Variants in AGBL4 observed in about 807,000 individuals in gnomAD.
AGBL4 encodes AGBL carboxypeptidase 4, also known as cytosolic carboxypeptidase 6.
In AGBL4, 58 loss-of-function variants were observed where a neutral mutation model predicts 66.4. The ratio of observed to expected loss-of-function variants is 0.87; its 90% CI spans 0.71 to 1.09. The LOEUF is 1.09. Among genes scored for constraint, AGBL4 ranks in the 50% least tolerant of loss-of-function variants. The probability of loss-of-function intolerance (pLI) is 0.00; values close to 1 mark genes in which losing one functional copy is unlikely to be tolerated. For synonymous variants in AGBL4, 234 were observed against 222.9 expected (o/e 1.05, Z -0.44); for missense variants, 579 against 631.0 (o/e 0.92, Z 0.88).
intron 5 of AGBL4, among the ~76,000 whole-genome samples, chr1:48,987,734 T>C (rs1207856506): frequency 6.6e-6 from 1 of 152,158 alleles, no homozygotes; most frequent in Admixed American, 6.6e-5. Flanking sequence ...AGAACATTAC[T>C]AAGACAGATC....
chr1:49,463,802 C>G (rs1403103010), intron 3 of AGBL4, among the ~76,000 whole-genome samples: 1 of 151,744 alleles, frequency 6.6e-6, no homozygotes, highest in Non-Finnish European at 1.5e-5. Flanking sequence ...CTCATTTCAA[C>G]TGAGTGTGCT....
chr1:48,841,411 C>CA (rs1646798863), intron 6 of AGBL4, among the ~76,000 whole-genome samples: 2 of 84,406 alleles, frequency 2.4e-5, no homozygotes, highest in African/African-American at 5.0e-5. Flanking sequence ...CCCCCCCCCC[C>CA]CAAAAAAAAA....
chr1:49,437,039 G>C (rs968396715), intron 3 of AGBL4, among the ~76,000 whole-genome samples: 1 of 152,176 alleles, frequency 6.6e-6, no homozygotes. Context: ...AGCAGTACAA[G>C]GTATAGAATT....
At chr1:48,966,880 T>G (rs938641505) in intron 5 of AGBL4, among the ~76,000 whole-genome samples, 2 of 152,104 alleles carry the variant, frequency 1.3e-5, no homozygotes, top group African/African-American at 4.8e-5. Context: ...TATAATTTGC[T>G]GTTTATAATG....
At chr1:48,958,683 G>A (rs1306263698) in intron 5 of AGBL4, among the ~76,000 whole-genome samples, 1 of 152,180 alleles carries the variant, frequency 6.6e-6, no homozygotes, top group African/African-American at 2.4e-5. Context: ...GGACTGGCCA[G>A]GGCTGGCAGT....
At chr1:49,640,061 G>A (rs1198022075) in intron 3 of AGBL4, among the ~76,000 whole-genome samples, 1 of 152,078 alleles carries the variant, frequency 6.6e-6, no homozygotes, top group Non-Finnish European at 1.5e-5. Context: ...CATCAGTGGG[G>A]CCATCCTCAC....
chr1:49,840,416 C>T lies in AGBL4; in HGVS notation c.157+10980G>A, dbSNP rs115807442. 2.9e-3 allele frequency among the ~76,000 whole-genome samples: 435 copies of T among 152,078 alleles called. 2 individuals are homozygous for T. The highest frequency in any genetic ancestry group is 6.8e-3 in the Middle Eastern group (2 of 294). On this transcript the variant is annotated intron_variant, in intron 2 of 13. Transcript: ENST00000371839. ...TGTTTACTCTTTCAAAAAATGAACC[C>T]ATGGTTTCATTGATGGTTTGTATAG...
chr1:49,622,628 C>CAAA (rs71059557), intron 3 of AGBL4, among the ~76,000 whole-genome samples: 18 of 65,486 alleles, frequency 2.7e-4, no homozygotes, highest in Non-Finnish European at 3.9e-4. Flanking sequence ...GACTCCGTCT[C>CAAA]AAAAAAAAAA....
chr1:48,747,432 CCT>C (rs1287966469), intron 6 of AGBL4, among the ~76,000 whole-genome samples: 1 of 152,144 alleles, frequency 6.6e-6, no homozygotes, highest in Non-Finnish European at 1.5e-5. Flanking sequence ...TCACACAACC[CCT>C]GACTGCATAT....
At chr1:50,010,575 G>C (rs1374821331) in intron 1 of AGBL4, among the ~76,000 whole-genome samples, 2 of 151,738 alleles carry the variant, frequency 1.3e-5, no homozygotes, top group Non-Finnish European at 2.9e-5. Context: ...TTATATGATA[G>C]AGCTATAGTA....
At chr1:48,546,841 A>G in intron 11 of AGBL4, among the ~76,000 whole-genome samples, 1 of 148,336 alleles carries the variant, frequency 6.7e-6, no homozygotes, top group African/African-American at 2.5e-5. Flanking sequence ...GCAGAGACAA[A>G]TAGCGAGGTA....
chr1:49,974,123 T>G (rs1658367181), intron 1 of AGBL4, among the ~76,000 whole-genome samples: 1 of 152,078 alleles, frequency 6.6e-6, no homozygotes, highest in Non-Finnish European at 1.5e-5. Context: ...AAAAGAATAT[T>G]AGATAGGAGA....
intron 4 of AGBL4, among the ~76,000 whole-genome samples, chr1:49,116,343 A>G (rs995127876): frequency 6.6e-6 from 1 of 152,086 alleles, no homozygotes; most frequent in African/African-American, 2.4e-5. Context: ...TACATTACAT[A>G]TTTCTTCTAA....
intron 1 of AGBL4, among the ~76,000 whole-genome samples, chr1:49,959,211 CA>C (rs1417510764): frequency 6.6e-6 from 1 of 151,788 alleles, no homozygotes; most frequent in Non-Finnish European, 1.5e-5. Flanking sequence ...AATTTGATTC[CA>C]AAGCATGGCA....
chr1:48,566,060 C>A (rs1441340913), intron 11 of AGBL4, among the ~76,000 whole-genome samples: 1 of 152,180 alleles, frequency 6.6e-6, no homozygotes. Flanking sequence ...CCTCATGTTA[C>A]TCTCCTGCTC....
rs149970409 is a variant in AGBL4, at chr1:49,673,558, A to G, written c.282+23755T>C. On this transcript the variant is annotated intron_variant, in intron 3 of 13. Transcript: ENST00000371839. ...TTGCATACCTATATCAAAACATCTCATGTACTGCATAAATATATAAACCTA... is the reference window on the plus strand; with the variant it reads ...TTGCATACCTATATCAAAACATCTCGTGTACTGCATAAATATATAAACCTA... Among the ~76,000 whole-genome samples, 876 of 152,282 alleles carry G rather than the reference A, an allele frequency of 5.8e-3. 11 individuals carry two copies. Among genetic ancestry groups the G allele is most frequent in the African/African-American group, 0.02 (836 of 41,572 alleles).
intron 3 of AGBL4, among the ~76,000 whole-genome samples, chr1:49,498,619 C>G (rs1289818741): frequency 1.3e-5 from 2 of 151,692 alleles, no homozygotes; most frequent in African/African-American, 4.8e-5. Context: ...ACTGCATAAT[C>G]TGACTCCTAT....
intron 6 of AGBL4, among the ~76,000 whole-genome samples, chr1:48,673,151 G>T (rs60838464): frequency 0.013 from 1,975 of 152,236 alleles, 47 homozygotes; most frequent in African/African-American, 0.045. Context: ...TTATGTGCAG[G>T]CACCTGCACA....
chr1:49,575,012 C>A (rs915615897), intron 3 of AGBL4, among the ~76,000 whole-genome samples: 8 of 152,092 alleles, frequency 5.3e-5, no homozygotes. Context: ...GAAGTCGGGT[C>A]CCCTTGAGGA....
Sources: gnomAD v4.1 joint callset for allele counts (sites outside exome capture counted in the v4.1 genomes callset) on GRCh38, gnomAD v4.1.1 for gene constraint, MANE v1.5 for transcripts, NCBI Gene and HGNC (gene_info 2026-07-23, HGNC 2026-07-21) for gene names.